The following PCCB variants were observed in gnomAD, a reference collection of about 807,000 sequenced individuals.
The protein encoded by PCCB is propionyl-CoA carboxylase subunit beta, also known as propionyl-CoA carboxylase beta chain, mitochondrial.
Under a neutral mutation model 60.7 loss-of-function variants are expected in PCCB, and 43 were observed. That is an observed-to-expected ratio of 0.71 (90% CI 0.55 to 0.91). The LOEUF is 0.91. PCCB is among the 40% of genes least tolerant of loss of function. The pLI, the probability that PCCB is intolerant of heterozygous loss-of-function variation, is 0.00. For synonymous variants in PCCB, 276 were observed against 255.9 expected, an observed-to-expected ratio of 1.08 and a Z score of -0.75; for missense variants, 766 against 702.8, an observed-to-expected ratio of 1.09 and a Z score of -1.02.
chr3:136,284,352 A>C lies in PCCB; in HGVS notation c.654+405A>C, dbSNP rs16843879. On this transcript the variant is annotated intron_variant, in intron 6 of 14. Transcript: ENST00000251654. ...CTTCAGCTCCTTGCCATTTTATTACATTGTGTCCATAATGGTAAAGGATAA... is the reference window on the plus strand; with the variant it reads ...CTTCAGCTCCTTGCCATTTTATTACCTTGTGTCCATAATGGTAAAGGATAA... Among the ~76,000 whole-genome samples, 24,815 of 152,056 alleles carry C rather than the reference A, an allele frequency of 0.16. 3,272 individuals are homozygous for C. The highest frequency in any genetic ancestry group is 0.37 in the African/African-American group (15,298 of 41,420).
At chr3:136,259,137 G>A (rs1941755173) in intron 3 of PCCB, 9 of 1,456,738 alleles carry the variant, frequency 6.2e-6, no homozygotes, top group African/African-American at 2.9e-5. Context: ...AGCAGTGAGA[G>A]CTCTGATTCT....
intron 5 of PCCB, 35 bp downstream of exon 5, chr3:136,262,100 A>G: frequency 3.7e-6 from 5 of 1,337,786 alleles, no homozygotes; most frequent in Non-Finnish European, 5.3e-6. Context: ...AAAAAAATAC[A>G]GGGCTTAAGT....
chr3:136,253,082 G>GATTTTTTTTTTTTTTT (rs1941562687), intron 1 of PCCB, among the ~76,000 whole-genome samples: 3 of 71,490 alleles, frequency 4.2e-5, no homozygotes, highest in Non-Finnish European at 2.4e-5. Flanking sequence ...AGCAATGGAG[G>GATTTTTTTTTTTTTTT]TTTTTTTTTT....
intron 6 of PCCB, among the ~76,000 whole-genome samples, chr3:136,286,169 A>G (rs1281562344): frequency 1.3e-5 from 2 of 152,204 alleles, no homozygotes. Flanking sequence ...TTTGGACATT[A>G]TGATGAAAAG....
At chr3:136,263,143 C>T (rs919805543) in intron 5 of PCCB, among the ~76,000 whole-genome samples, 8 of 150,886 alleles carry the variant, frequency 5.3e-5, no homozygotes, top group African/African-American at 1.2e-4. Context: ...TTAGTAGAGA[C>T]GGGGTTTCAC....
At chr3:136,316,461 C>T (rs681783) in intron 9 of PCCB, among the ~76,000 whole-genome samples, 54,604 of 151,616 alleles carry the variant, frequency 0.36, 12,214 homozygotes, top group East Asian at 0.81. Flanking sequence ...ATTACAGGTG[C>T]CTGCCACCAC....
At chr3:136,299,454 G>A (rs1043921980) in intron 8 of PCCB, among the ~76,000 whole-genome samples, 1 of 151,366 alleles carries the variant, frequency 6.6e-6, no homozygotes, top group Non-Finnish European at 1.5e-5. Context: ...GCATATGTAT[G>A]CATGTGTATG....
chr3:136,263,613 T>C (rs1485332820), intron 5 of PCCB, among the ~76,000 whole-genome samples: 7 of 152,144 alleles, frequency 4.6e-5, no homozygotes, highest in Non-Finnish European at 1.0e-4. Flanking sequence ...CTTTCAGATC[T>C]TCATTGCTTA....
intron 6 of PCCB, among the ~76,000 whole-genome samples, chr3:136,287,399 GTGTGTGTGTTTTTTCTTT>G (rs1019983188): frequency 6.6e-6 from 1 of 150,914 alleles, no homozygotes; most frequent in Admixed American, 6.6e-5. Context: ...TAGTAAGTGT[GTGTGTGTGTTTTTTCTTT>G]TGTGTGTGTT....
chr3:136,258,290 C>T (rs1420998015), intron 3 of PCCB, among the ~76,000 whole-genome samples: 4 of 152,090 alleles, frequency 2.6e-5, no homozygotes, highest in Non-Finnish European at 5.9e-5. Context: ...ACAAGAGTTC[C>T]CACCCTGAAG....
At chr3:136,314,032 TCA>T (rs34354052) in intron 9 of PCCB, among the ~76,000 whole-genome samples, 4 of 150,836 alleles carry the variant, frequency 2.7e-5, no homozygotes, top group Non-Finnish European at 1.5e-5. Context: ...TTAGAAGGAG[TCA>T]CACACACACA....
At chr3:136,299,211 C>CAT (rs939439373) in intron 8 of PCCB, among the ~76,000 whole-genome samples, 12 of 151,796 alleles carry the variant, frequency 7.9e-5, no homozygotes, top group East Asian at 1.9e-4. Flanking sequence ...TATATGTATA[C>CAT]ATATATATAT....
chr3:136,251,044 G>T (rs1299105334), intron 1 of PCCB, among the ~76,000 whole-genome samples: 1 of 152,172 alleles, frequency 6.6e-6, no homozygotes, highest in Non-Finnish European at 1.5e-5. Flanking sequence ...TGGGGGATGT[G>T]CGCGTGCAGG....
Position 136,326,791 on chromosome 3 carries a change from C to G in PCCB, c.1091-12C>G. On this transcript the variant is annotated splice_polypyrimidine_tract_variant and intron_variant, in intron 10 of 14. Transcript: ENST00000251654. ...CCTGGATACTCAGTATGGATAATCT[C>G]TCTCTTTCTAGGATGCTTGGATATT... 3 of 1,542,626 alleles carry G rather than the reference C, an allele frequency of 1.9e-6. No individual in the cohort carries two copies. The highest frequency in any genetic ancestry group is 2.2e-5 in the South Asian group (2 of 89,562).
intron 5 of PCCB, among the ~76,000 whole-genome samples, chr3:136,271,755 T>A (rs901252098): frequency 6.6e-6 from 1 of 152,200 alleles, no homozygotes; most frequent in Non-Finnish European, 1.5e-5. Context: ...TAGGAGTCTT[T>A]TGGATGAGTC....
chr3:136,303,376 G>T (rs1456507438), intron 9 of PCCB, among the ~76,000 whole-genome samples: 1 of 121,914 alleles, frequency 8.2e-6, no homozygotes, highest in African/African-American at 2.5e-5. Context: ...TGCACTTTCA[G>T]TGTTTTTGGA....
At chr3:136,252,400 C>G (rs1466870943) in intron 1 of PCCB, 1 of 435,536 alleles carries the variant, frequency 2.3e-6, no homozygotes, top group Non-Finnish European at 4.6e-6. Flanking sequence ...GTATGTGTCA[C>G]CACATCTGGC....
At chr3:136,255,550 CTAAT>C (rs1559995133) in intron 1 of PCCB, 6 of 398,116 alleles carry the variant, frequency 1.5e-5, no homozygotes, top group Admixed American at 3.8e-5. Flanking sequence ...ATTTGTGGAA[CTAAT>C]TAATTGTGTT....
At position 136,303,881 on chromosome 3, in the gene PCCB, G is replaced by A. The variant is rs1436459335; in HGVS notation, c.966+2770G>A. Among the ~76,000 whole-genome samples the A allele has an allele frequency of 4.9e-5, 6 of 122,808 alleles. 1 individual carries two copies. The highest frequency in any genetic ancestry group is 1.1e-4 in the Non-Finnish European group (6 of 54,974). The allele number at this position is 122,808 out of a possible 152,430, so 80.6% of individuals were successfully genotyped here. A position where few individuals can be genotyped will look rare whatever the true frequency, so the allele number is the denominator to read the frequency against. On this transcript the variant is annotated intron_variant, in intron 9 of 14. Coordinates refer to ENST00000251654, the MANE Select transcript of PCCB (RefSeq NM_000532.5). Reference sequence around the variant, plus strand: ...GGCCCCACAAAGTGCTGGGATTACAGGTGTGAGCCACCGTGCCTGGCCTGT... The same window carrying A: ...GGCCCCACAAAGTGCTGGGATTACAAGTGTGAGCCACCGTGCCTGGCCTGT...
Sources: allele counts gnomAD v4.1 joint callset (sites outside exome capture counted in the v4.1 genomes callset), GRCh38; gene constraint gnomAD v4.1.1; transcripts MANE v1.5; gene names NCBI Gene and HGNC (gene_info 2026-07-23, HGNC 2026-07-21).